Variants in CNTN2 observed in about 807,000 individuals in gnomAD.
CNTN2 encodes the protein contactin-2.
In CNTN2, 53 loss-of-function variants were observed where a neutral mutation model predicts 117.5. The ratio of observed to expected loss-of-function variants is 0.45; its 90% CI spans 0.36 to 0.57. CNTN2 has a LOEUF of 0.57. Ranked by LOEUF, CNTN2 falls within the 20% of genes least tolerant of loss-of-function variation. CNTN2 has a pLI of 0.00. For synonymous variants in CNTN2, 530 were observed against 561.7 expected, an observed-to-expected ratio of 0.94 and a Z score of 0.80; for missense variants, 1,106 against 1,404.3, an observed-to-expected ratio of 0.79 and a Z score of 3.39.
rs767645398 is a variant in CNTN2 at position 205,073,694 on chromosome 1, G to A, written c.3052G>A (p.Ala1018Thr). 3.7e-6 allele frequency: 6 copies of A among 1,614,058 alleles called. No homozygotes were observed. The highest frequency in any genetic ancestry group is 5.1e-6 in the Non-Finnish European group (6 of 1,180,024). The change falls in exon 23 of 23, where the codon GCA (alanine) becomes ACA (threonine). Residue 1018 changes from alanine to threonine, a missense_variant. Ala to Thr is a moderately conservative substitution (Grantham distance 58, BLOSUM62 0). Coordinates refer to ENST00000331830, the MANE Select transcript of CNTN2 (RefSeq NM_005076.5). The surrounding 1 kb of genome is among the most constrained non-coding windows in gnomAD (Gnocchi z 6.3). ...MMVENMAVRP[A>T]PHPGTVISHS... The stretch of plus-strand genomic sequence containing the variant: ...GGTGGAGAACATGGCAGTCCGCCCA[G>A]CACCACACCCTGGCACCGTCATTTC...
chr1:205,074,579 T>A lies in CNTN2; in HGVS notation c.*814T>A. ...GACAGCGCCACTTCAGGTGGCTGGG[T>A]GACTAAAGGGCTTGTCTTGGTGGGG... On this transcript the variant is annotated 3_prime_UTR_variant, in exon 23 of 23. Transcript: ENST00000331830. 5.0e-6 allele frequency: 2 copies of A among 398,528 alleles called. No homozygotes were observed. Among genetic ancestry groups the A allele is most frequent in the East Asian group, 3.6e-5 (1 of 28,054 alleles). 24.7% of individuals were successfully genotyped at this position (398,528 alleles called of 1,614,324 possible).
chr1:205,074,244 G>A lies in CNTN2; in HGVS notation c.*479G>A. On this transcript the variant is annotated 3_prime_UTR_variant, in exon 23 of 23. Transcript: ENST00000331830. ...TCTAAGGAAGAAGGGCAAGCCCTGG[G>A]ACCAAGAGCTCTCCCGCCTTCTCCC... 7.3e-6 allele frequency: 3 copies of A among 409,302 alleles called. No homozygotes were observed. Among genetic ancestry groups the A allele is most frequent in the Middle Eastern group, 6.2e-4 (1 of 1,606 alleles). The allele number at this position is 409,302 out of a possible 1,614,324, so 25.4% of individuals were successfully genotyped here.
Position 205,061,740 on chromosome 1 carries a change from C to G in CNTN2, c.974-125C>G. ...GCCCCCTCCTCTTTGTCCTCTCCAT[C>G]TCAGAATGCTCATGGCGCCCTCTGC... On this transcript the variant is annotated intron_variant, in intron 8 of 22. Transcript: ENST00000331830. This position sits in a 1 kb window ranked among gnomAD's most constrained non-coding sequence, Gnocchi z 4.8. 7.9e-7 allele frequency: 1 copy of G among 1,265,830 alleles called. No individual in the cohort carries two copies. The highest frequency in any genetic ancestry group is 1.5e-5 in the African/African-American group (1 of 65,860). 78.4% of individuals were successfully genotyped at this position (1,265,830 alleles called of 1,614,324 possible). A position where few individuals can be genotyped will look rare whatever the true frequency, so the allele number is the denominator to read the frequency against.
rs192091357 is a variant in CNTN2, at chr1:205,052,782, C to A, written c.-86-318C>A. Among the ~76,000 whole-genome samples, 381 of 152,286 alleles carry A rather than the reference C, an allele frequency of 2.5e-3. 2 individuals carry two copies. The highest frequency in any genetic ancestry group is 2.9e-3 in the Non-Finnish European group (198 of 68,006). On this transcript the variant is annotated intron_variant, in intron 1 of 22. Transcript: ENST00000331830. ...CGGCCTCGCCTCAAGAGCTGACGGG[C>A]GAGACGGCAGGTGGGTTCTTACCTC...
At position 205,070,491 on chromosome 1, in the gene CNTN2, T is replaced by C; in HGVS notation, c.2497T>C (p.Trp833Arg). ...CTCATCCTCAGAGATGAACGTGACCTGGGAACCCGTGCAGCAGGACATGAA... is the reference window on the plus strand; with the variant it reads ...CTCATCCTCAGAGATGAACGTGACCCGGGAACCCGTGCAGCAGGACATGAA... ...GVSSSEMNVT[W>R]EPVQQDMNGI... The change falls in exon 19 of 23, where the codon TGG (tryptophan) becomes CGG (arginine). Residue 833 changes from tryptophan to arginine, a missense_variant. Coordinates refer to ENST00000331830, the MANE Select transcript of CNTN2 (RefSeq NM_005076.5). 6.2e-7 allele frequency: 1 copy of C among 1,613,996 alleles called. No homozygotes were observed.
intron 21 of CNTN2, 125 bp downstream of exon 21, chr1:205,072,720 C>G: frequency 2.7e-6 from 2 of 733,030 alleles, no homozygotes; most frequent in Non-Finnish European, 4.7e-6. Flanking sequence ...GGGTTTGTGA[C>G]TGTGAGAGGA....
rs967074876 is a variant in CNTN2 at position 205,059,376 on chromosome 1, T to A, written c.697+83T>A. 63 of 1,399,876 alleles carry A rather than the reference T, an allele frequency of 4.5e-5. No individual in the cohort carries two copies. Among genetic ancestry groups the A allele is most frequent in the Non-Finnish European group, 6.2e-5 (63 of 1,011,662 alleles). 86.7% of individuals were successfully genotyped at this position (1,399,876 alleles called of 1,614,324 possible). ...GGAAAAGGGTTTTTCCTTTGGAGATTGGAAGATCAGCTTGCAGGGCACTGA... is the reference window on the plus strand; with the variant it reads ...GGAAAAGGGTTTTTCCTTTGGAGATAGGAAGATCAGCTTGCAGGGCACTGA... On this transcript the variant is annotated intron_variant, in intron 6 of 22. Coordinates refer to ENST00000331830, the MANE Select transcript of CNTN2 (RefSeq NM_005076.5). The surrounding 1 kb of genome is among the most constrained non-coding windows in gnomAD (Gnocchi z 5.6).
At chr1:205,066,719 AG>A in intron 15 of CNTN2, 120 bp downstream of exon 15, 1 of 1,195,336 alleles carries the variant, frequency 8.4e-7, no homozygotes, top group East Asian at 2.5e-5. Flanking sequence ...AGCTTCAAAG[AG>A]GGACAAGATC....
chr1:205,055,355 G>A (rs1285901265), intron 2 of CNTN2, among the ~76,000 whole-genome samples: 1 of 152,194 alleles, frequency 6.6e-6, no homozygotes, highest in Non-Finnish European at 1.5e-5. Flanking sequence ...ATGTGTGGGT[G>A]GGTGTGTATG....
rs566378735 is a variant in CNTN2, at chr1:205,058,451, C to T, written c.391+95C>T. 12 of 1,532,862 alleles carry T rather than the reference C, an allele frequency of 7.8e-6. No individual in the cohort carries two copies. In the Admixed American group the frequency reaches 1.8e-4, roughly 23 times the overall value. 95.0% of individuals were successfully genotyped at this position (1,532,862 alleles called of 1,614,324 possible). A position where few individuals can be genotyped will look rare whatever the true frequency, so the allele number is the denominator to read the frequency against. On this transcript the variant is annotated intron_variant, in intron 4 of 22. Transcript: ENST00000331830. This position sits in a 1 kb window ranked among gnomAD's most constrained non-coding sequence, Gnocchi z 4.3. The stretch of plus-strand genomic sequence containing the variant: ...GGATAAGGGACACCCTCAAGCCGGG[C>T]CTTCCTGACCTCACATGACATGCCT...
intron 20 of CNTN2, 125 bp from the exon 21 acceptor site, chr1:205,072,358 C>CATGG (rs1654638380): frequency 4.1e-6 from 3 of 738,584 alleles, no homozygotes; most frequent in Admixed American, 7.3e-5. Context: ...GTTTCGTGGG[C>CATGG]ATGACAGAAT....
chr1:205,059,736 A>T lies in CNTN2; in HGVS notation c.797+54A>T. 6.8e-7 allele frequency: 1 copy of T among 1,476,554 alleles called. No individual in the cohort carries two copies. Among genetic ancestry groups the T allele is most frequent in the Non-Finnish European group, 9.4e-7 (1 of 1,058,314 alleles). 91.5% of individuals were successfully genotyped at this position (1,476,554 alleles called of 1,614,324 possible). A position where few individuals can be genotyped will look rare whatever the true frequency, so the allele number is the denominator to read the frequency against. Reference sequence around the variant, plus strand: ...GCACGGTCTCTCGGGGGCACAGGTGACCCCAGGGTGAGGGCAGGCAGAGTC... The same window carrying T: ...GCACGGTCTCTCGGGGGCACAGGTGTCCCCAGGGTGAGGGCAGGCAGAGTC... On this transcript the variant is annotated intron_variant, in intron 7 of 22. Coordinates refer to ENST00000331830, the MANE Select transcript of CNTN2 (RefSeq NM_005076.5). This position sits in a 1 kb window ranked among gnomAD's most constrained non-coding sequence, Gnocchi z 5.6.
intron 2 of CNTN2, among the ~76,000 whole-genome samples, chr1:205,055,776 A>T (rs560697097): frequency 3.9e-5 from 6 of 152,170 alleles, no homozygotes; most frequent in Non-Finnish European, 7.3e-5. Context: ...AAGCTTTCTA[A>T]CTGTCAGTTT....
In CNTN2 at chr1:205,065,217, C is replaced by T. The variant is rs1558548705; in HGVS notation, c.1650C>T (p.Pro550=). The part of the protein sequence containing the change: ...LTFTWTLDDF[P]IDFDKPGGHY... The stretch of plus-strand genomic sequence containing the variant: ...TCACCTGGACCCTGGACGACTTCCC[C>T]ATCGACTTTGATAAGCCTGGAGGGC... The change falls in exon 13 of 23, where the codon CCC becomes CCT. Residue 550 remains proline (P), a synonymous_variant. Coordinates refer to ENST00000331830, the MANE Select transcript of CNTN2 (RefSeq NM_005076.5). The surrounding 1 kb of genome is among the most constrained non-coding windows in gnomAD (Gnocchi z 4.1). The T allele has an allele frequency of 6.2e-7, 1 of 1,614,156 alleles. No individual in the cohort carries two copies. The highest frequency in any genetic ancestry group is 2.2e-5 in the East Asian group (1 of 44,858).
At chr1:205,045,321 A>T (rs771892599) in intron 1 of CNTN2, among the ~76,000 whole-genome samples, 1 of 151,510 alleles carries the variant, frequency 6.6e-6, no homozygotes, top group African/African-American at 2.4e-5. Context: ...GCCAGATTTC[A>T]CTCCTTATGC....
In CNTN2 at chr1:205,072,515, A is replaced by G. The variant is rs1376962826; in HGVS notation, c.2764A>G (p.Thr922Ala). Residue 922 changes from threonine to alanine, a missense_variant, in exon 21 of 23, where the codon ACT (threonine) becomes GCT (alanine). Physicochemically the swap from Thr to Ala is moderately conservative, Grantham distance 58. Transcript: ENST00000331830. Reference protein sequence around the residue: ...PRRPPGNISWTFSSSSLSIKW... With the variant: ...PRRPPGNISWAFSSSSLSIKW... ...GCGACCTCCTGGCAACATCTCCTGG[A>G]CTTTCTCAAGCTCTAGTCTTAGCAT... 1 of 1,614,046 alleles carries G rather than the reference A, an allele frequency of 6.2e-7. No individual in the cohort carries two copies. Among genetic ancestry groups the G allele is most frequent in the East Asian group, 2.2e-5 (1 of 44,892 alleles).
Position 205,072,126 on chromosome 1 carries a change from G to A in CNTN2, c.2724G>A (p.Met908Ile). Residue 908 changes from methionine to isoleucine, a missense_variant, in exon 20 of 23, where the codon ATG becomes ATA. Physicochemically the swap from Met to Ile is conservative, Grantham distance 10. Transcript: ENST00000331830. The stretch of plus-strand genomic sequence containing the variant: ...GCCCTTCTGCCAACGCCACGACCAT[G>A]AAGCCCCGTGAGTCTGTCTGCCTGG... Reference protein sequence around the residue: ...PASPSANATTMKPPPRRPPGN... With the variant: ...PASPSANATTIKPPPRRPPGN... 1 of 1,609,082 alleles carries A rather than the reference G, an allele frequency of 6.2e-7. No homozygotes were observed. The highest frequency in any genetic ancestry group is 8.5e-7 in the Non-Finnish European group (1 of 1,178,464).
chr1:205,064,371 G>A lies in CNTN2; in HGVS notation c.1290G>A (p.Ala430=), dbSNP rs748381947. 2.4e-5 allele frequency: 38 copies of A among 1,606,418 alleles called. No individual in the cohort carries two copies. The highest frequency in any genetic ancestry group is 8.8e-5 in the South Asian group (8 of 90,870). The change falls in exon 11 of 23, where the codon GCG becomes GCA. Residue 430 remains alanine, a synonymous_variant. Coordinates refer to ENST00000331830, the MANE Select transcript of CNTN2 (RefSeq NM_005076.5). The part of the protein sequence containing the change: ...RLNPVRRLIP[A]ARGGEILIPC... ...ATCCCGTGAGGCGTCTGATCCCCGCGGCCCGCGGGGGAGAGATCCTTATCC... is the reference window on the plus strand; with the variant it reads ...ATCCCGTGAGGCGTCTGATCCCCGCAGCCCGCGGGGGAGAGATCCTTATCC...
intron 16 of CNTN2, chr1:205,069,005 TTTTGTTTG>T (rs55919821): frequency 0.51 from 77,634 of 152,038 alleles, 20,392 homozygotes; most frequent in East Asian, 0.89. Flanking sequence ...AAGTAGTTTG[TTTTGTTTG>T]TTTGTTTGTT....
Sources: allele counts gnomAD v4.1 joint callset (sites outside exome capture counted in the v4.1 genomes callset), GRCh38; gene constraint gnomAD v4.1.1; non-coding constraint Gnocchi (gnomAD v3.1); transcripts MANE v1.5; gene names NCBI Gene and HGNC (gene_info 2026-07-23, HGNC 2026-07-21).